Variants in ADGRB3 observed in about 807,000 individuals in gnomAD.
ADGRB3 encodes adhesion G protein-coupled receptor B3.
A neutral mutation model predicts 193.4 loss-of-function variants in ADGRB3; 37 were observed. That is an observed-to-expected ratio of 0.19 (90% CI 0.15 to 0.25). ADGRB3 has a LOEUF of 0.25. Among genes scored for constraint, ADGRB3 ranks in the 10% least tolerant of loss-of-function variants. The pLI is 1.00. For synonymous variants in ADGRB3, 690 were observed against 644.2 expected, an observed-to-expected ratio of 1.07 and a Z score of -1.08; for missense variants, 1,637 against 1,852.9, an observed-to-expected ratio of 0.88 and a Z score of 2.14.
intron 23 of ADGRB3, chr6:69,332,218 AAT>A (rs1249207766): frequency 1.0e-6 from 1 of 985,254 alleles, no homozygotes; most frequent in Admixed American, 6.2e-5. Context: ...AAAAAGGAAA[AAT>A]ATGTGTGATT....
chr6:69,101,607 A>T lies in ADGRB3; in HGVS notation c.2480+25569A>T, dbSNP rs77152292. Among the ~76,000 whole-genome samples, 271 of 152,238 alleles carry T rather than the reference A, an allele frequency of 1.8e-3. 2 individuals are homozygous for T. Among genetic ancestry groups the T allele is most frequent in the African/African-American group, 6.2e-3 (259 of 41,540 alleles). ...CTTATAAAAATAGACTGTGAAAGAC[A>T]TAAATTTTAAATTATATTTACTTTT... is the stretch of plus-strand genomic sequence containing the variant. On this transcript the variant is annotated intron_variant, in intron 17 of 31. Transcript: ENST00000370598.
intron 3 of ADGRB3, among the ~76,000 whole-genome samples, chr6:68,748,505 C>T (rs1158965363): frequency 6.6e-6 from 1 of 152,172 alleles, no homozygotes; most frequent in Non-Finnish European, 1.5e-5. Context: ...CCATTGAGTC[C>T]AGGTCTCACA....
At chr6:68,793,903 T>C (rs1424132814) in intron 3 of ADGRB3, among the ~76,000 whole-genome samples, 1 of 152,214 alleles carries the variant, frequency 6.6e-6, no homozygotes, top group Admixed American at 6.5e-5. Context: ...TCAGTCATCA[T>C]TGAAGCATTT....
At chr6:68,726,400 G>A (rs1278570314) in intron 3 of ADGRB3, among the ~76,000 whole-genome samples, 1 of 151,524 alleles carries the variant, frequency 6.6e-6, no homozygotes, top group Non-Finnish European at 1.5e-5. Context: ...CTGATTCCTG[G>A]TCTGATATGT....
intron 3 of ADGRB3, among the ~76,000 whole-genome samples, chr6:68,775,410 A>G (rs1766720458): frequency 6.6e-6 from 1 of 152,080 alleles, no homozygotes; most frequent in Admixed American, 6.6e-5. Flanking sequence ...TGAGAACTGG[A>G]CAGTGTCTTT....
intron 8 of ADGRB3, among the ~76,000 whole-genome samples, chr6:68,965,401 T>G (rs958496286): frequency 1.3e-5 from 2 of 151,986 alleles, no homozygotes; most frequent in African/African-American, 4.8e-5. Context: ...ATTCATGAAT[T>G]GCCAACAAGC....
At chr6:68,997,191 G>C (rs940892796) in intron 11 of ADGRB3, among the ~76,000 whole-genome samples, 4 of 152,054 alleles carry the variant, frequency 2.6e-5, no homozygotes, top group Non-Finnish European at 5.9e-5. Flanking sequence ...GAAAAGTTTG[G>C]ATATCTGGTT....
chr6:68,834,843 G>A (rs778326460), intron 3 of ADGRB3, among the ~76,000 whole-genome samples: 24 of 152,090 alleles, frequency 1.6e-4, no homozygotes, highest in Non-Finnish European at 3.2e-4. Context: ...ATAAAGTAGA[G>A]TTCAAGATTT....
chr6:69,225,306 T>G (rs749091407), intron 17 of ADGRB3, among the ~76,000 whole-genome samples: 1 of 152,198 alleles, frequency 6.6e-6, no homozygotes, highest in Non-Finnish European at 1.5e-5. Flanking sequence ...AAGCTTCATA[T>G]TTTTATTTTC....
At chr6:68,975,516 T>A (rs75710318) in intron 10 of ADGRB3, among the ~76,000 whole-genome samples, 176 bp downstream of exon 10, 2,791 of 152,308 alleles carry the variant, frequency 0.018, 31 homozygotes, top group Middle Eastern at 0.037. Context: ...CTAAATTGTT[T>A]TGTTCCTAGG....
chr6:69,315,975 A>G (rs1016906608), intron 20 of ADGRB3, among the ~76,000 whole-genome samples: 2 of 151,332 alleles, frequency 1.3e-5, no homozygotes, highest in East Asian at 1.9e-4. Context: ...TCGCTTCAGT[A>G]TTCTGTTTTT....
At position 69,300,291 on chromosome 6, in the gene ADGRB3, A is replaced by G. The variant is rs77447173; in HGVS notation, c.2815-24581A>G. Among the ~76,000 whole-genome samples, 508 of 151,960 alleles carry G rather than the reference A, an allele frequency of 3.3e-3. 2 individuals carry two copies. The highest frequency in any genetic ancestry group is 0.012 in the African/African-American group (478 of 41,516). ...CATTCCGTAATGATAAACTCTCAAT[A>G]AGCTGGATATAAAAGGAACATAGTC... On this transcript the variant is annotated intron_variant, in intron 20 of 31. Transcript: ENST00000370598.
intron 17 of ADGRB3, among the ~76,000 whole-genome samples, chr6:69,083,355 G>C (rs1772447953): frequency 2.6e-5 from 4 of 152,238 alleles, no homozygotes; most frequent in Admixed American, 2.6e-4. Flanking sequence ...TTTGTTTACT[G>C]AAGAGATTTG....
chr6:69,004,505 C>G (rs1203372467), intron 11 of ADGRB3, among the ~76,000 whole-genome samples: 1 of 151,510 alleles, frequency 6.6e-6, no homozygotes. Flanking sequence ...TGTTGGTGTG[C>G]TGCACCCATT....
At chr6:69,014,891 A>G (rs1770045151) in intron 12 of ADGRB3, among the ~76,000 whole-genome samples, 1 of 151,962 alleles carries the variant, frequency 6.6e-6, no homozygotes, top group African/African-American at 2.4e-5. Context: ...TTCCCTTTAT[A>G]ATCATATTCT....
intron 3 of ADGRB3, among the ~76,000 whole-genome samples, chr6:68,859,088 T>A (rs939606976): frequency 1.3e-5 from 2 of 152,222 alleles, no homozygotes; most frequent in East Asian, 1.9e-4. Context: ...ATTAGAATTT[T>A]CTTCCACCAG....
chr6:69,038,486 C>G (rs1211058148), intron 13 of ADGRB3, among the ~76,000 whole-genome samples: 1 of 152,144 alleles, frequency 6.6e-6, no homozygotes, highest in Non-Finnish European at 1.5e-5. Flanking sequence ...AATTTATTTC[C>G]TAAGGCATTT....
intron 13 of ADGRB3, among the ~76,000 whole-genome samples, chr6:69,041,889 G>T (rs1771082354): frequency 6.6e-6 from 1 of 152,162 alleles, no homozygotes; most frequent in Non-Finnish European, 1.5e-5. Context: ...ACCATGCCTG[G>T]CCATGATGTT....
intron 17 of ADGRB3, among the ~76,000 whole-genome samples, chr6:69,118,336 A>C (rs1773589069): frequency 6.6e-6 from 1 of 152,158 alleles, no homozygotes; most frequent in African/African-American, 2.4e-5. Flanking sequence ...CCAGTCTAGC[A>C]AGTTTAATAT....
Sources: allele counts gnomAD v4.1 joint callset (sites outside exome capture counted in the v4.1 genomes callset), GRCh38; gene constraint gnomAD v4.1.1; transcripts MANE v1.5; gene names NCBI Gene and HGNC (gene_info 2026-07-23, HGNC 2026-07-21).